Variants in TRAP1 observed in about 807,000 individuals in gnomAD.
TRAP1 encodes heat shock protein 75 kDa, mitochondrial.
TRAP1 carries 102 observed loss-of-function variants against 89.1 expected under a neutral mutation model. The ratio of observed to expected loss-of-function variants is 1.15; its 90% confidence interval spans 0.98 to 1.35. The LOEUF is 1.35. Among genes scored for constraint, TRAP1 ranks in the 40% most tolerant of loss-of-function variants. TRAP1 has a pLI of 0.00. For synonymous variants in TRAP1, 508 were observed against 388.0 expected, an observed-to-expected ratio of 1.31 and a Z score of -3.64; for missense variants, 1,256 against 945.3, an observed-to-expected ratio of 1.33 and a Z score of -4.31.
At chr16:3,702,835 G>GAA (rs1010432403) in intron 1 of TRAP1, among the ~76,000 whole-genome samples, 1 of 151,564 alleles carries the variant, frequency 6.6e-6, no homozygotes, top group African/African-American at 2.4e-5. Flanking sequence ...CTGAGGTTGG[G>GAA]AGTTTGAGAC....
intron 1 of TRAP1, among the ~76,000 whole-genome samples, chr16:3,697,858 G>T: frequency 6.6e-6 from 1 of 150,698 alleles, no homozygotes; most frequent in African/African-American, 2.4e-5. Context: ...GCGTGATCTC[G>T]GCTCACTGCA....
At position 3,679,783 on chromosome 16, in the gene TRAP1, C is replaced by G; in HGVS notation, c.479G>C (p.Gly160Ala). The change falls in exon 5 of 18, where the codon GGT (glycine) becomes GCT (alanine). Residue 160 changes from glycine (G) to alanine (A), a missense_variant. Coordinates refer to ENST00000246957, the MANE Select transcript of TRAP1 (RefSeq NM_016292.3). ...CAGCTCTTCCTGTGTCATCCCGATACCAGTATCCTGAGGAGAGAGACGCAC... is the reference window on the plus strand; with the variant it reads ...CAGCTCTTCCTGTGTCATCCCGATAGCAGTATCCTGAGGAGAGAGACGCAC... ...EKGTITIQDT[G>A]IGMTQEELVS... 6.2e-7 allele frequency: 1 copy of G among 1,614,104 alleles called. No individual in the cohort carries two copies. The highest frequency in any genetic ancestry group is 8.5e-7 in the Non-Finnish European group (1 of 1,180,014).
At chr16:3,666,534 T>G (rs1186644250) in intron 11 of TRAP1, among the ~76,000 whole-genome samples, 1 of 148,564 alleles carries the variant, frequency 6.7e-6, no homozygotes, top group Non-Finnish European at 1.5e-5. Context: ...GAATATAGGC[T>G]AAAATTATGT....
chr16:3,665,611 C>T (rs549344422), intron 12 of TRAP1: 5 of 238,124 alleles, frequency 2.1e-5, no homozygotes, highest in South Asian at 1.7e-4. Context: ...TCCCCACCCA[C>T]GGGATCGGAG....
intron 1 of TRAP1, among the ~76,000 whole-genome samples, chr16:3,697,804 C>G (rs1459865496): frequency 7.5e-6 from 1 of 132,988 alleles, no homozygotes; most frequent in African/African-American, 2.8e-5. Context: ...TTTTTTTTTT[C>G]CTCGAGAAGG....
intron 1 of TRAP1, among the ~76,000 whole-genome samples, chr16:3,691,715 C>A (rs1175229317): frequency 6.6e-6 from 1 of 151,780 alleles, no homozygotes; most frequent in Non-Finnish European, 1.5e-5. Context: ...TGTTAATATT[C>A]TGAAACTGTC....
At chr16:3,673,535 T>G (rs1378116243) in intron 9 of TRAP1, among the ~76,000 whole-genome samples, 1 of 152,076 alleles carries the variant, frequency 6.6e-6, no homozygotes, top group Admixed American at 6.6e-5. Context: ...GGTTAAAATG[T>G]GGGGCGACCT....
intron 4 of TRAP1, among the ~76,000 whole-genome samples, chr16:3,681,213 A>G (rs1320788713): frequency 6.6e-6 from 1 of 152,158 alleles, no homozygotes; most frequent in Admixed American, 6.5e-5. Flanking sequence ...CCTCAGAAAC[A>G]GTTTTCTGAA....
intron 6 of TRAP1, chr16:3,677,090 T>A: frequency 6.3e-6 from 1 of 159,154 alleles, no homozygotes; most frequent in Non-Finnish European, 1.3e-5. Context: ...CCCAGCAGGC[T>A]CCTCACCCTA....
intron 12 of TRAP1, 92 bp downstream of exon 12, chr16:3,665,879 C>G (rs1009161322): frequency 1.3e-6 from 2 of 1,486,414 alleles, no homozygotes; most frequent in East Asian, 4.7e-5. Context: ...CCAGCTGCAC[C>G]GTCGCCACAT....
chr16:3,663,616 A>C, intron 13 of TRAP1, 54 bp from the exon 14 acceptor site: 1 of 1,607,314 alleles, frequency 6.2e-7, no homozygotes, highest in East Asian at 2.2e-5. Context: ...CAGCCACCAC[A>C]GAAGAAAGGA....
chr16:3,685,909 C>G, intron 4 of TRAP1, 87 bp downstream of exon 4: 2 of 1,486,698 alleles, frequency 1.3e-6, no homozygotes, highest in African/African-American at 1.4e-5. Flanking sequence ...CCAGTACGTC[C>G]CTGGGACCCG....
chr16:3,698,919 C>A (rs1398644318), intron 1 of TRAP1, among the ~76,000 whole-genome samples: 1 of 151,988 alleles, frequency 6.6e-6, no homozygotes, highest in African/African-American at 2.4e-5. Flanking sequence ...AAAAAATAAA[C>A]CATTAGAGGA....
rs574683434 is a variant in TRAP1, at chr16:3,717,510, T to C, written c.-2A>G. On this transcript the variant is annotated 5_prime_UTR_variant, in exon 1 of 18. Coordinates refer to ENST00000246957, the MANE Select transcript of TRAP1 (RefSeq NM_016292.3). Reference sequence around the variant, plus strand: ...CAGCGCCCGCAGCTCGCGCGCCATGTCGTACTCCCAGAGCGCCGCGCGCAG... The same window carrying C: ...CAGCGCCCGCAGCTCGCGCGCCATGCCGTACTCCCAGAGCGCCGCGCGCAG... 59 of 1,357,792 alleles carry C rather than the reference T, an allele frequency of 4.3e-5. No homozygotes were observed. The highest frequency in any genetic ancestry group is 5.4e-5 in the Non-Finnish European group (57 of 1,056,206). 84.1% of individuals were successfully genotyped at this position (1,357,792 alleles called of 1,614,324 possible).
At chr16:3,681,317 T>G (rs1431505478) in intron 4 of TRAP1, among the ~76,000 whole-genome samples, 1 of 152,152 alleles carries the variant, frequency 6.6e-6, no homozygotes, top group Non-Finnish European at 1.5e-5. Flanking sequence ...CAGTGCTGTC[T>G]CCATTGGCAA....
chr16:3,706,455 T>TC, intron 1 of TRAP1, among the ~76,000 whole-genome samples: 1 of 124,502 alleles, frequency 8.0e-6, no homozygotes, highest in South Asian at 2.6e-4. Flanking sequence ...CTATTTGCAC[T>TC]CTTTTTTTTT....
Position 3,671,713 on chromosome 16 carries a change from G to A in TRAP1, c.1235+9C>T, listed in dbSNP as rs115100713. 2.7e-5 allele frequency: 44 copies of A among 1,611,986 alleles called. No individual in the cohort carries two copies. Among genetic ancestry groups the A allele is most frequent in the Non-Finnish European group, 3.5e-5 (41 of 1,179,964 alleles). ...CAGCAGGGTCCTCTCCCCGCGGCCC[G>A]AGGCTCACCTGATGAGTGCGCTCTC... On this transcript the variant is annotated intron_variant, in intron 11 of 17. Transcript: ENST00000246957.
At chr16:3,692,266 T>A (rs929675728) in intron 1 of TRAP1, among the ~76,000 whole-genome samples, 1 of 152,166 alleles carries the variant, frequency 6.6e-6, no homozygotes, top group Non-Finnish European at 1.5e-5. Flanking sequence ...AGGGGTGCGG[T>A]GGCTCACGCC....
intron 1 of TRAP1, among the ~76,000 whole-genome samples, chr16:3,691,932 C>T (rs763644151): frequency 6.6e-6 from 1 of 152,158 alleles, no homozygotes; most frequent in Non-Finnish European, 1.5e-5. Flanking sequence ...GGAAAGCAGC[C>T]AATGTGTCCC....
Sources: allele counts gnomAD v4.1 joint callset (sites outside exome capture counted in the v4.1 genomes callset), GRCh38; gene constraint gnomAD v4.1.1; transcripts MANE v1.5; gene names NCBI Gene and HGNC (gene_info 2026-07-23, HGNC 2026-07-21).